PSD3: variants seen among roughly 807,000 people sequenced by gnomAD.
PSD3 encodes the protein pleckstrin and Sec7 domain containing 3.
A neutral mutation model predicts 105.5 loss-of-function variants in PSD3; 49 were observed. The ratio of observed to expected loss-of-function variants is 0.46; its 90% CI spans 0.37 to 0.59. The LOEUF is 0.59. Ranked by LOEUF, PSD3 falls within the 20% of genes least tolerant of loss-of-function variation. The pLI is 0.00. For missense variants in PSD3, 1,561 were observed against 1,263.8 expected (o/e 1.24, Z -3.57); for synonymous variants, 557 against 457.8 (o/e 1.22, Z -2.77).
At chr8:18,861,639 C>T (rs1471719106) in intron 4 of PSD3, among the ~76,000 whole-genome samples, 1 of 152,120 alleles carries the variant, frequency 6.6e-6, no homozygotes, top group East Asian at 1.9e-4. Flanking sequence ...TGACTCAGCC[C>T]CATGTGTCCT....
At chr8:18,705,290 G>T (rs993523305) in intron 9 of PSD3, among the ~76,000 whole-genome samples, 1 of 152,142 alleles carries the variant, frequency 6.6e-6, no homozygotes, top group Non-Finnish European at 1.5e-5. Context: ...CCCTTTGGGA[G>T]GCCAAGCCGG....
At chr8:18,916,283 G>A (rs1820576727) in intron 2 of PSD3, among the ~76,000 whole-genome samples, 1 of 102,118 alleles carries the variant, frequency 9.8e-6, no homozygotes, top group South Asian at 3.7e-4. Context: ...TTGCTGAATG[G>A]ATTTAAAAAA....
At chr8:19,067,443 A>T (rs769012526) in intron 1 of PSD3, among the ~76,000 whole-genome samples, 2 of 152,146 alleles carry the variant, frequency 1.3e-5, no homozygotes, top group Non-Finnish European at 2.9e-5. Flanking sequence ...CCTCCCACAG[A>T]AGGCACCAGA....
intron 1 of PSD3, among the ~76,000 whole-genome samples, chr8:19,007,289 C>T (rs73592701): frequency 0.022 from 3,399 of 151,854 alleles, 141 homozygotes; most frequent in African/African-American, 0.078. Flanking sequence ...AAATGACAGC[C>T]CAGGACAGAT....
At chr8:18,930,279 C>A (rs927212559) in intron 2 of PSD3, among the ~76,000 whole-genome samples, 1 of 152,096 alleles carries the variant, frequency 6.6e-6, no homozygotes, top group African/African-American at 2.4e-5. Flanking sequence ...ATTTAAGAGA[C>A]TCCAGTGCAT....
intron 11 of PSD3, among the ~76,000 whole-genome samples, chr8:18,632,068 A>G (rs574845097): frequency 1.2e-3 from 185 of 152,030 alleles, no homozygotes; most frequent in Non-Finnish European, 2.4e-3. Flanking sequence ...CCATCCAATT[A>G]GGCTCCTTCA....
chr8:18,593,009 C>G (rs1375656859), intron 12 of PSD3, among the ~76,000 whole-genome samples: 1 of 152,216 alleles, frequency 6.6e-6, no homozygotes, highest in Non-Finnish European at 1.5e-5. Context: ...AGACCTAAAA[C>G]CGTAACAACC....
intron 9 of PSD3, among the ~76,000 whole-genome samples, chr8:18,744,972 C>T (rs932222493): frequency 3.9e-5 from 6 of 152,098 alleles, no homozygotes; most frequent in Admixed American, 3.9e-4. Flanking sequence ...GGTTTGGCTG[C>T]TGTTTTCTCA....
At chr8:18,903,171 G>A (rs1295453484) in intron 2 of PSD3, among the ~76,000 whole-genome samples, 1 of 152,132 alleles carries the variant, frequency 6.6e-6, no homozygotes, top group African/African-American at 2.4e-5. Flanking sequence ...TTTACTTTTA[G>A]GGTATACAGT....
intron 8 of PSD3, among the ~76,000 whole-genome samples, chr8:18,773,067 G>C (rs911184916): frequency 6.6e-6 from 1 of 152,050 alleles, no homozygotes; most frequent in African/African-American, 2.4e-5. Flanking sequence ...TGTGCTTTTG[G>C]TGTCACAGTG....
At chr8:18,658,266 C>T (rs1423123340) in intron 9 of PSD3, among the ~76,000 whole-genome samples, 2 of 152,104 alleles carry the variant, frequency 1.3e-5, no homozygotes, top group African/African-American at 2.4e-5. Context: ...TATTATTTTT[C>T]TTAATAAAAG....
At chr8:18,887,733 T>C (rs957138870) in intron 2 of PSD3, among the ~76,000 whole-genome samples, 7 of 152,234 alleles carry the variant, frequency 4.6e-5, no homozygotes, top group Non-Finnish European at 1.0e-4. Flanking sequence ...ACTTCACAGT[T>C]GCTTTTATTC....
chr8:18,944,235 G>C (rs746058320), intron 1 of PSD3, among the ~76,000 whole-genome samples: 31 of 152,112 alleles, frequency 2.0e-4, no homozygotes, highest in Non-Finnish European at 3.1e-4. Flanking sequence ...ACTTTGATCT[G>C]CCAGGTTTCA....
chr8:18,897,049 C>T (rs187509857), intron 2 of PSD3, among the ~76,000 whole-genome samples: 14 of 151,070 alleles, frequency 9.3e-5, no homozygotes, highest in Admixed American at 5.3e-4. Flanking sequence ...TCAGGTGATC[C>T]GCCCACCTGA....
chr8:18,981,286 A>C (rs1825240041), intron 1 of PSD3, among the ~76,000 whole-genome samples: 1 of 152,214 alleles, frequency 6.6e-6, no homozygotes, highest in South Asian at 2.1e-4. Flanking sequence ...GAAAAGTCAC[A>C]GGTCACCCCC....
intron 9 of PSD3, among the ~76,000 whole-genome samples, chr8:18,746,075 C>A (rs1450471675): frequency 6.6e-6 from 1 of 152,222 alleles, no homozygotes; most frequent in African/African-American, 2.4e-5. Context: ...TTGGACCAAA[C>A]TGAGAGTGTC....
At chr8:18,747,444 A>G (rs1805120427) in intron 9 of PSD3, among the ~76,000 whole-genome samples, 1 of 152,264 alleles carries the variant, frequency 6.6e-6, no homozygotes, top group Non-Finnish European at 1.5e-5. Context: ...AAAGTAATGT[A>G]TTCTCAAAGT....
At chr8:18,893,442 A>G (rs75459187) in intron 2 of PSD3, among the ~76,000 whole-genome samples, 12,317 of 152,294 alleles carry the variant, frequency 0.081, 528 homozygotes, top group African/African-American at 0.11. Context: ...GTTGATTTCC[A>G]GCTAGCCTTT....
At chr8:18,569,474 A>G (rs1220915482) in intron 14 of PSD3, among the ~76,000 whole-genome samples, 1 of 150,066 alleles carries the variant, frequency 6.7e-6, no homozygotes, top group Non-Finnish European at 1.5e-5. Context: ...ACAAACAGAG[A>G]GCCAAATCAT....
Sources: gnomAD v4.1 joint callset for allele counts (sites outside exome capture counted in the v4.1 genomes callset) on GRCh38, gnomAD v4.1.1 for gene constraint, MANE v1.5 for transcripts, NCBI Gene and HGNC (gene_info 2026-07-23, HGNC 2026-07-21) for gene names.